Variants in GPA33 observed in about 807,000 individuals in gnomAD.
GPA33 encodes glycoprotein A33, also known as cell surface A33 antigen.
GPA33 carries 27 observed loss-of-function variants against 35.6 expected under a neutral mutation model. The observed-to-expected ratio is 0.76, with a 90% confidence interval of 0.56 to 1.04. The LOEUF (loss-of-function observed/expected upper bound fraction) is 1.04, where lower values mean the gene tolerates loss of function less well. GPA33 is among the 50% of genes least tolerant of loss of function. The pLI is 0.00. For missense variants in GPA33, 428 were observed against 411.9 expected (o/e 1.04, Z -0.34); for synonymous variants, 176 against 164.0 (o/e 1.07, Z -0.56).
intron 2 of GPA33, among the ~76,000 whole-genome samples, chr1:167,070,525 T>C: frequency 6.6e-6 from 1 of 152,182 alleles, no homozygotes; most frequent in East Asian, 1.9e-4. Flanking sequence ...AACCGGGCAT[T>C]GTGGCTCCAG....
At chr1:167,065,642 A>G (rs921691742) in intron 3 of GPA33, among the ~76,000 whole-genome samples, 3 of 152,088 alleles carry the variant, frequency 2.0e-5, no homozygotes, top group Non-Finnish European at 4.4e-5. Context: ...AAACCCTTCC[A>G]CACACACCAC....
Position 167,054,262 on chromosome 1 carries a change from A to G in GPA33, c.*72T>C. ...AGGGACAGGAGAACAGGGCTTAGAA[A>G]GGAGAAGGGAGGCCAGGAAGCGGGA... On this transcript the variant is annotated 3_prime_UTR_variant, in exon 7 of 7. Coordinates refer to ENST00000367868, the MANE Select transcript of GPA33 (RefSeq NM_005814.3). The G allele has an allele frequency of 6.4e-7, 1 of 1,573,032 alleles. No homozygotes were observed. Among genetic ancestry groups the G allele is most frequent in the Non-Finnish European group, 8.7e-7 (1 of 1,151,854 alleles).
intron 1 of GPA33, among the ~76,000 whole-genome samples, chr1:167,074,894 A>G (rs1666791303): frequency 6.8e-6 from 1 of 148,114 alleles, no homozygotes; most frequent in South Asian, 2.1e-4. Context: ...CAGAGAAAAT[A>G]TATTTGACTT....
chr1:167,058,028 G>A (rs1162883213), intron 4 of GPA33, among the ~76,000 whole-genome samples: 1 of 152,046 alleles, frequency 6.6e-6, no homozygotes, highest in Non-Finnish European at 1.5e-5. Flanking sequence ...GTGAAACCCC[G>A]TCTCTACTAC....
chr1:167,055,616 G>A (rs1362315608), intron 5 of GPA33, 114 bp downstream of exon 5: 25 of 1,148,070 alleles, frequency 2.2e-5, no homozygotes, highest in African/African-American at 1.5e-4. Flanking sequence ...CTGCAGGTGC[G>A]TGGCCCTAGA....
chr1:167,087,335 G>T (rs537096960), intron 1 of GPA33, among the ~76,000 whole-genome samples: 125 of 152,260 alleles, frequency 8.2e-4, no homozygotes, highest in African/African-American at 2.9e-3. Context: ...TATGTGTCAA[G>T]TCCTCTTCTA....
chr1:167,055,216 A>G, intron 5 of GPA33, 105 bp from the exon 6 acceptor site: 2 of 1,081,200 alleles, frequency 1.8e-6, no homozygotes, highest in Non-Finnish European at 2.7e-6. Context: ...ACACTCCATG[A>G]AAGGCATGGT....
At chr1:167,067,627 G>T (rs72689397) in intron 3 of GPA33, among the ~76,000 whole-genome samples, 1 of 152,078 alleles carries the variant, frequency 6.6e-6, no homozygotes, top group Non-Finnish European at 1.5e-5. Flanking sequence ...GTGTGTATGG[G>T]ATGTCTATTG....
rs1666188619 is a variant in GPA33 at position 167,054,453 on chromosome 1, A to T, written c.841T>A (p.Tyr281Asn). The T allele has an allele frequency of 2.5e-6, 4 of 1,613,960 alleles. No homozygotes were observed. Among genetic ancestry groups the T allele is most frequent in the Admixed American group, 3.3e-5 (2 of 60,004 alleles). The stretch of plus-strand genomic sequence containing the variant: ...CTTAGCTGCTCTGGTGGCTCCTCAT[A>T]GGCTTCCCGGTTCCTGCAGGGCAGC... Reference protein sequence around the residue: ...KEDARPNREAYEEPPEQLREL... With the variant: ...KEDARPNREANEEPPEQLREL... The change falls in exon 7 of 7, where the codon TAT (tyrosine) becomes AAT (asparagine). Residue 281 changes from tyrosine (Y) to asparagine (N), a missense_variant. Transcript: ENST00000367868.
intron 4 of GPA33, 50 bp downstream of exon 4, chr1:167,063,532 A>T (rs1571307871): frequency 1.3e-6 from 2 of 1,529,104 alleles, no homozygotes; most frequent in Admixed American, 1.9e-5. Flanking sequence ...AATCAGCTGC[A>T]TGTGTTGCAC....
intron 1 of GPA33, among the ~76,000 whole-genome samples, chr1:167,081,025 C>T (rs1368186532): frequency 1.3e-5 from 2 of 152,162 alleles, no homozygotes; most frequent in African/African-American, 4.8e-5. Context: ...CAAGATACCT[C>T]AGCTGGAAAT....
At chr1:167,088,619 T>C (rs1250790360) in intron 1 of GPA33, among the ~76,000 whole-genome samples, 1 of 152,198 alleles carries the variant, frequency 6.6e-6, no homozygotes, top group Non-Finnish European at 1.5e-5. Context: ...TGCCTTCTCA[T>C]AGGAAGAAGC....
At chr1:167,065,089 C>G (rs1571309125) in intron 3 of GPA33, among the ~76,000 whole-genome samples, 1 of 152,306 alleles carries the variant, frequency 6.6e-6, no homozygotes, top group East Asian at 1.9e-4. Flanking sequence ...ATTCTACAAA[C>G]CTCACTGGGT....
At chr1:167,079,895 G>A (rs2102199214) in intron 1 of GPA33, among the ~76,000 whole-genome samples, 1 of 152,228 alleles carries the variant, frequency 6.6e-6, no homozygotes, top group South Asian at 2.1e-4. Flanking sequence ...ATCCTTATTA[G>A]CACTGCATCC....
intron 4 of GPA33, among the ~76,000 whole-genome samples, chr1:167,059,966 C>T (rs1383675129): frequency 1.3e-5 from 2 of 152,190 alleles, no homozygotes; most frequent in Non-Finnish European, 1.5e-5. Context: ...AGCAGAGGTA[C>T]CCTCCTCTCC....
rs1178762880 is a variant in GPA33 at position 167,055,724 on chromosome 1, T to C, written c.691+6A>G. On this transcript the variant is annotated splice_donor_region_variant and intron_variant, in intron 5 of 6. Transcript: ENST00000367868. ...TGTCAGCCCTCCCCCCGCAGGCTGC[T>C]CTTACGAGATCTGACGGCCACCGTG... is the stretch of plus-strand genomic sequence containing the variant. 1.2e-6 allele frequency: 2 copies of C among 1,613,824 alleles called. No homozygotes were observed. Among genetic ancestry groups the C allele is most frequent in the East Asian group, 2.2e-5 (1 of 44,874 alleles).
At chr1:167,076,117 G>A (rs1486698361) in intron 1 of GPA33, among the ~76,000 whole-genome samples, 1 of 152,192 alleles carries the variant, frequency 6.6e-6, no homozygotes, top group Non-Finnish European at 1.5e-5. Flanking sequence ...GCTAAAGGAG[G>A]CTATAGGGTC....
chr1:167,088,436 G>T (rs972415396), intron 1 of GPA33, among the ~76,000 whole-genome samples: 7 of 152,142 alleles, frequency 4.6e-5, no homozygotes, highest in Admixed American at 2.0e-4. Flanking sequence ...CACTGCTCTG[G>T]CCCCTTCTTC....
chr1:167,088,397 T>A (rs1667095543), intron 1 of GPA33, among the ~76,000 whole-genome samples: 1 of 152,152 alleles, frequency 6.6e-6, no homozygotes, highest in South Asian at 2.1e-4. Flanking sequence ...ATACCTCAAG[T>A]CGACCACCAA....
Sources: allele counts gnomAD v4.1 joint callset (sites outside exome capture counted in the v4.1 genomes callset), GRCh38; gene constraint gnomAD v4.1.1; transcripts MANE v1.5; gene names NCBI Gene and HGNC (gene_info 2026-07-23, HGNC 2026-07-21).